EPHA6: variants seen among roughly 807,000 people sequenced by gnomAD.
EPHA6 encodes ephrin type-A receptor 6.
In EPHA6, 50 loss-of-function variants were observed where a neutral mutation model predicts 112.0. That is an observed-to-expected ratio of 0.45 (90% CI 0.36 to 0.56). The LOEUF (loss-of-function observed/expected upper bound fraction) is 0.56, where lower values mean the gene tolerates loss of function less well. EPHA6 is among the 20% of genes least tolerant of loss of function. The probability of loss-of-function intolerance (pLI) is 0.00; values close to 1 mark genes in which losing one functional copy is unlikely to be tolerated. For missense variants in EPHA6, 1,280 were observed against 1,417.4 expected, an observed-to-expected ratio of 0.90 and a Z score of 1.56; for synonymous variants, 529 against 490.7, an observed-to-expected ratio of 1.08 and a Z score of -1.03.
At chr3:97,166,336 G>T (rs2076540037) in intron 3 of EPHA6, among the ~76,000 whole-genome samples, 1 of 150,014 alleles carries the variant, frequency 6.7e-6, no homozygotes, top group Non-Finnish European at 1.5e-5. Flanking sequence ...TTGTAGTCAG[G>T]AAAGAAAAGC....
intron 3 of EPHA6, among the ~76,000 whole-genome samples, chr3:97,142,908 C>T (rs934278787): frequency 6.6e-6 from 1 of 151,804 alleles, no homozygotes; most frequent in South Asian, 2.1e-4. Context: ...ATAATTTCCT[C>T]TGAGAACCGG....
intron 6 of EPHA6, among the ~76,000 whole-genome samples, chr3:97,421,841 A>C (rs2107187913): frequency 6.6e-6 from 1 of 152,252 alleles, no homozygotes; most frequent in African/African-American, 2.4e-5. Context: ...CTATGGCAGA[A>C]GTGGCACTGC....
intron 5 of EPHA6, among the ~76,000 whole-genome samples, chr3:97,374,853 A>G (rs2085257548): frequency 6.6e-6 from 1 of 152,116 alleles, no homozygotes; most frequent in Non-Finnish European, 1.5e-5. Flanking sequence ...CAAATTTTTC[A>G]CTACCAGATT....
rs200061307 is a variant in EPHA6 at position 97,470,949 on chromosome 3, AC to A, written c.1895-4402del. On this transcript the variant is annotated intron_variant, in intron 7 of 17. Transcript: ENST00000389672. ...GATTTCAGAGTGGTTCTTTTTAGGG[AC>A]AAGTTTGCTTTCAACAGATGCCACT... 9.9e-5 allele frequency among the ~76,000 whole-genome samples: 15 copies of A among 151,828 alleles called. No individual in the cohort carries two copies. In the East Asian group the frequency reaches 2.9e-3, roughly 29 times the overall value.
intron 2 of EPHA6, among the ~76,000 whole-genome samples, chr3:96,896,044 T>A (rs190012578): frequency 6.6e-6 from 1 of 152,334 alleles, no homozygotes; most frequent in East Asian, 1.9e-4. Flanking sequence ...TGCACAATGA[T>A]GAAATCACCT....
intron 4 of EPHA6, among the ~76,000 whole-genome samples, chr3:97,235,477 T>C (rs983349031): frequency 5.3e-5 from 8 of 152,066 alleles, no homozygotes; most frequent in South Asian, 2.1e-4. Context: ...CTTTTTAGCA[T>C]TTCTTCTATC....
chr3:97,431,566 T>TA (rs1411200622), intron 6 of EPHA6, among the ~76,000 whole-genome samples: 1 of 152,154 alleles, frequency 6.6e-6, no homozygotes, highest in African/African-American at 2.4e-5. Context: ...GTGTGATTTT[T>TA]ATGGATAAAC....
chr3:97,383,556 A>G (rs1418389471), intron 5 of EPHA6, among the ~76,000 whole-genome samples: 1 of 152,134 alleles, frequency 6.6e-6, no homozygotes, highest in Non-Finnish European at 1.5e-5. Context: ...TACAATTAAC[A>G]TGATCTGGAG....
At chr3:96,972,746 A>G (rs1195415173) in intron 2 of EPHA6, among the ~76,000 whole-genome samples, 1 of 152,178 alleles carries the variant, frequency 6.6e-6, no homozygotes, top group Non-Finnish European at 1.5e-5. Flanking sequence ...GTATTTTATC[A>G]GGACTTATCC....
At chr3:97,689,388 G>GCTCCC (rs2032490705) in intron 14 of EPHA6, among the ~76,000 whole-genome samples, 1 of 152,064 alleles carries the variant, frequency 6.6e-6, no homozygotes, top group Admixed American at 6.5e-5. Context: ...TAATGTGCTG[G>GCTCCC]AAAAAAATGT....
chr3:97,539,360 C>T lies in EPHA6; in HGVS notation c.2386+6817C>T, dbSNP rs191730296. The stretch of plus-strand genomic sequence containing the variant: ...ATGGGGTTTCGCCGTGTTGGCCAGA[C>T]TGGTCTCAAACTCCTGACCTCAAGT... On this transcript the variant is annotated intron_variant, in intron 11 of 17. Transcript: ENST00000389672. Among the ~76,000 whole-genome samples the T allele has an allele frequency of 1.2e-4, 18 of 152,108 alleles. No individual in the cohort carries two copies. The East Asian group carries it at 3.5e-3, about 29-fold the overall frequency.
At position 97,166,391 on chromosome 3, in the gene EPHA6, G is replaced by A. The variant is rs190928747; in HGVS notation, c.1115-59873G>A. On this transcript the variant is annotated intron_variant, in intron 3 of 17. Transcript: ENST00000389672. The stretch of plus-strand genomic sequence containing the variant: ...TTAAAAAAAAAAAAAAATAACAAAC[G>A]TGTGTATAATGGCTTCTATGATGTT... 6.2e-4 allele frequency among the ~76,000 whole-genome samples: 94 copies of A among 151,542 alleles called. 4 individuals carry two copies. In the East Asian group the frequency reaches 8.5e-3, roughly 14 times the overall value.
chr3:97,143,110 C>T (rs1559754374), intron 3 of EPHA6, among the ~76,000 whole-genome samples: 2 of 151,628 alleles, frequency 1.3e-5, no homozygotes, highest in Admixed American at 1.3e-4. Context: ...GATTTCCATA[C>T]ATCAATAATT....
chr3:97,138,256 C>T (rs2075812262), intron 3 of EPHA6, among the ~76,000 whole-genome samples: 1 of 152,176 alleles, frequency 6.6e-6, no homozygotes, highest in African/African-American at 2.4e-5. Context: ...TGCTTGAACT[C>T]ACACGGACCC....
intron 2 of EPHA6, among the ~76,000 whole-genome samples, chr3:96,882,280 C>G (rs1344932939): frequency 6.6e-6 from 1 of 152,182 alleles, no homozygotes; most frequent in Non-Finnish European, 1.5e-5. Context: ...AAACTTCTGC[C>G]TGGACATCCA....
In EPHA6 at chr3:97,133,058, G is replaced by C. The variant is rs181051253; in HGVS notation, c.1115-93206G>C. Among the ~76,000 whole-genome samples the C allele has an allele frequency of 2.6e-5, 4 of 152,092 alleles. No homozygotes were observed. The East Asian group carries it at 7.7e-4, about 29-fold the overall frequency. On this transcript the variant is annotated intron_variant, in intron 3 of 17. Transcript: ENST00000389672. ...TAAATGAGTCCATAAATGACAGAAT[G>C]GAAAGTAAAGGATAACTGGTGTTCT...
At chr3:96,918,455 A>C (rs1235920425) in intron 2 of EPHA6, among the ~76,000 whole-genome samples, 1 of 152,118 alleles carries the variant, frequency 6.6e-6, no homozygotes, top group Non-Finnish European at 1.5e-5. Context: ...ATTGGATACA[A>C]TTTCTTTATA....
At chr3:97,612,800 C>G (rs1018414417) in intron 13 of EPHA6, among the ~76,000 whole-genome samples, 1 of 151,974 alleles carries the variant, frequency 6.6e-6, no homozygotes, top group Non-Finnish European at 1.5e-5. Context: ...ATAAAATTCT[C>G]TGTACCTCTG....
At chr3:97,286,000 T>A (rs1249946510) in intron 5 of EPHA6, among the ~76,000 whole-genome samples, 3 of 152,154 alleles carry the variant, frequency 2.0e-5, no homozygotes, top group Non-Finnish European at 2.9e-5. Flanking sequence ...TTAAACATTC[T>A]TTTATATACC....
Sources: allele counts gnomAD v4.1 joint callset (sites outside exome capture counted in the v4.1 genomes callset), GRCh38; gene constraint gnomAD v4.1.1; transcripts MANE v1.5; gene names NCBI Gene and HGNC (gene_info 2026-07-23, HGNC 2026-07-21).